The following ADAMTS17 variants were observed in gnomAD, a reference collection of about 807,000 sequenced individuals.
ADAMTS17 encodes the protein ADAM metallopeptidase with thrombospondin type 1 motif 17.
In ADAMTS17, 113 loss-of-function variants were observed where a neutral mutation model predicts 141.5. The observed-to-expected ratio is 0.80, with a 90% CI of 0.69 to 0.93. ADAMTS17 has a LOEUF of 0.93. Ranked by LOEUF, ADAMTS17 falls within the 40% of genes least tolerant of loss-of-function variation. ADAMTS17 has a pLI of 0.00. For synonymous variants in ADAMTS17, 768 were observed against 630.6 expected, an observed-to-expected ratio of 1.22 and a Z score of -3.27; for missense variants, 1,659 against 1,517.9, an observed-to-expected ratio of 1.09 and a Z score of -1.54.
intron 4 of ADAMTS17, among the ~76,000 whole-genome samples, chr15:100,280,447 C>T (rs1192582737): frequency 3.3e-5 from 5 of 152,172 alleles, no homozygotes; most frequent in Admixed American, 6.5e-5. Flanking sequence ...CCATTCCAAT[C>T]CATCCTGCAT....
rs564149760 is a variant in ADAMTS17 at position 100,190,018 on chromosome 15, A to C, written c.1181+9300T>G. On this transcript the variant is annotated intron_variant, in intron 8 of 21. Transcript: ENST00000268070. ...CCTGCCTTCCTCTCATTGGCTGCTG[A>C]TACCAATCACAAGTGAGGTGTGAGT... Among the ~76,000 whole-genome samples the C allele has an allele frequency of 5.9e-5, 9 of 152,322 alleles. No individual in the cohort carries two copies. The South Asian group carries it at 1.0e-3, about 18-fold the overall frequency.
rs886050981 is a variant in ADAMTS17, at chr15:100,341,265, C to A, written c.224G>T (p.Arg75Leu). 5.5e-6 allele frequency: 7 copies of A among 1,276,352 alleles called. No individual in the cohort carries two copies. Among genetic ancestry groups the A allele is most frequent in the Non-Finnish European group, 6.9e-6 (7 of 1,010,412 alleles). The allele number at this position is 1,276,352 out of a possible 1,614,324, so 79.1% of individuals were successfully genotyped here. Reference sequence around the variant, plus strand: ...CAGCAGCAGGGCGCGCTCTCCGGGCCGGGCGCGCGGGGCGGCTGGGGGCGT... The same window carrying A: ...CAGCAGCAGGGCGCGCTCTCCGGGCAGGGCGCGCGGGGCGGCTGGGGGCGT... ...PRTPPAAPRA[R>L]PGERALLLHL... is the part of the protein sequence containing the mutation. Residue 75 changes from arginine to leucine, a missense_variant, in exon 2 of 22, where the codon CGG (arginine) becomes CTG (leucine). Arg to Leu is a moderately radical substitution (Grantham distance 102, BLOSUM62 -2). Transcript: ENST00000268070.
At chr15:100,097,863 A>G (rs2035857527) in intron 14 of ADAMTS17, among the ~76,000 whole-genome samples, 1 of 152,204 alleles carries the variant, frequency 6.6e-6, no homozygotes, top group African/African-American at 2.4e-5. Flanking sequence ...CTCAGGTCTC[A>G]TCCTCGGAGC....
chr15:100,143,908 T>C (rs1368754903), intron 10 of ADAMTS17, among the ~76,000 whole-genome samples: 1 of 152,138 alleles, frequency 6.6e-6, no homozygotes, highest in Non-Finnish European at 1.5e-5. Flanking sequence ...CAGCTATGAA[T>C]TGCGAGTGGC....
At position 100,289,557 on chromosome 15, in the gene ADAMTS17, C is replaced by A. The variant is rs931217938; in HGVS notation, c.617-8156G>T. On this transcript the variant is annotated intron_variant, in intron 3 of 21. Transcript: ENST00000268070. ...ACACACATACACACACTCACACACA[C>A]ACACACACACACACTCTTAAGGCCA... Among the ~76,000 whole-genome samples, 14 of 151,824 alleles carry A rather than the reference C, an allele frequency of 9.2e-5. No individual in the cohort carries two copies. In the South Asian group the frequency reaches 1.2e-3, roughly 14 times the overall value.
chr15:100,097,474 C>T (rs2035833614), intron 14 of ADAMTS17, among the ~76,000 whole-genome samples: 1 of 152,210 alleles, frequency 6.6e-6, no homozygotes, highest in Non-Finnish European at 1.5e-5. Flanking sequence ...GTGCTTCCCC[C>T]TCACAGGTAC....
rs2032163514 is a variant in ADAMTS17 at position 100,051,731 on chromosome 15, C to A, written c.2296G>T (p.Val766Leu). The change falls in exon 17 of 22, where the codon GTG (valine) becomes TTG (leucine). Residue 766 changes from valine (V) to leucine (L), a missense_variant and splice_region_variant. Coordinates refer to ENST00000268070, the MANE Select transcript of ADAMTS17 (RefSeq NM_139057.4). The stretch of plus-strand genomic sequence containing the variant: ...TAATCTTGGTCGTGAAATAACAACA[C>A]CTGGATCAGCCGCAAAACAAAAGGC... ...GPTKLPLHLM[V>L]LLFHDQDYGI... 1 of 1,614,172 alleles carries A rather than the reference C, an allele frequency of 6.2e-7. No homozygotes were observed. Among genetic ancestry groups the A allele is most frequent in the Admixed American group, 1.7e-5 (1 of 60,020 alleles).
intron 8 of ADAMTS17, among the ~76,000 whole-genome samples, chr15:100,183,670 G>C (rs969114985): frequency 6.6e-6 from 1 of 152,120 alleles, no homozygotes; most frequent in Non-Finnish European, 1.5e-5. Flanking sequence ...CCTAGTCTTA[G>C]TATGACTAGT....
intron 15 of ADAMTS17, among the ~76,000 whole-genome samples, chr15:100,070,229 C>T (rs1294278272): frequency 6.8e-6 from 1 of 147,572 alleles, no homozygotes; most frequent in Non-Finnish European, 1.5e-5. Flanking sequence ...CAGGAGCACC[C>T]AGATTCATAA....
chr15:100,209,236 A>G (rs916461723), intron 7 of ADAMTS17, among the ~76,000 whole-genome samples: 1 of 151,996 alleles, frequency 6.6e-6, no homozygotes, highest in African/African-American at 2.4e-5. Flanking sequence ...GTGGACTTTT[A>G]GTGAAACCTC....
chr15:100,135,433 G>A (rs141391406), intron 10 of ADAMTS17, among the ~76,000 whole-genome samples: 5,024 of 151,948 alleles, frequency 0.033, 170 homozygotes, highest in African/African-American at 0.082. Context: ...ACAGGCGCCC[G>A]CCACCACACC....
intron 18 of ADAMTS17, among the ~76,000 whole-genome samples, chr15:100,010,305 G>A (rs1251528273): frequency 6.6e-6 from 1 of 152,196 alleles, no homozygotes; most frequent in African/African-American, 2.4e-5. Flanking sequence ...AGCAGTGGGC[G>A]TGTGTGTGAG....
intron 3 of ADAMTS17, chr15:100,306,403 T>A (rs1351473288): frequency 2.2e-6 from 1 of 445,968 alleles, no homozygotes; most frequent in Non-Finnish European, 4.5e-6. Flanking sequence ...AGAAGAAGTA[T>A]GTCTGCCACC....
intron 7 of ADAMTS17, among the ~76,000 whole-genome samples, chr15:100,222,425 G>A (rs893812911): frequency 9.2e-5 from 14 of 152,268 alleles, no homozygotes; most frequent in African/African-American, 3.1e-4. Context: ...TTGTTCTGCC[G>A]CATCTTCTGA....
chr15:100,251,159 G>T (rs2043140941), intron 7 of ADAMTS17, among the ~76,000 whole-genome samples: 1 of 152,190 alleles, frequency 6.6e-6, no homozygotes, highest in Non-Finnish European at 1.5e-5. Flanking sequence ...ACGTACTGGG[G>T]ATCAGGAGAT....
intron 12 of ADAMTS17, among the ~76,000 whole-genome samples, chr15:100,120,262 G>T (rs2037385615): frequency 6.6e-6 from 1 of 152,116 alleles, no homozygotes; most frequent in Non-Finnish European, 1.5e-5. Context: ...CCAGGGGAAA[G>T]CCAGGTCAAT....
chr15:100,331,058 T>C lies in ADAMTS17; in HGVS notation c.451-4A>G. On this transcript the variant is annotated splice_polypyrimidine_tract_variant and splice_region_variant and intron_variant, in intron 2 of 21. Coordinates refer to ENST00000268070, the MANE Select transcript of ADAMTS17 (RefSeq NM_139057.4). ...GCCCAAGCTGAATGAGGCCAACCTG[T>C]CCAGAAAGGAGAAGGAAACGCGATG... 6.2e-7 allele frequency: 1 copy of C among 1,614,082 alleles called. No homozygotes were observed. The highest frequency in any genetic ancestry group is 8.5e-7 in the Non-Finnish European group (1 of 1,180,008).
intron 8 of ADAMTS17, among the ~76,000 whole-genome samples, chr15:100,159,294 G>C (rs2039582528): frequency 6.6e-6 from 1 of 152,170 alleles, no homozygotes; most frequent in African/African-American, 2.4e-5. Context: ...CTTAAAAAAA[G>C]AAATTCTGCG....
At chr15:99,992,097 G>A (rs1355978066) in intron 20 of ADAMTS17, among the ~76,000 whole-genome samples, 1 of 152,026 alleles carries the variant, frequency 6.6e-6, no homozygotes, top group East Asian at 1.9e-4. Context: ...CTAGATGATG[G>A]GTTGATGGGC....
Sources: allele counts gnomAD v4.1 joint callset (sites outside exome capture counted in the v4.1 genomes callset), GRCh38; gene constraint gnomAD v4.1.1; transcripts MANE v1.5; gene names NCBI Gene and HGNC (gene_info 2026-07-23, HGNC 2026-07-21).